PTPRD: variants seen among roughly 807,000 people sequenced by gnomAD.
PTPRD encodes the protein receptor-type tyrosine-protein phosphatase delta.
A neutral mutation model predicts 214.5 loss-of-function variants in PTPRD; 34 were observed. The observed-to-expected ratio is 0.16, with a 90% CI of 0.12 to 0.21. The LOEUF (loss-of-function observed/expected upper bound fraction) is 0.21. PTPRD is among the 10% of genes least tolerant of loss of function. The pLI is 1.00. For missense variants in PTPRD, 2,545 were observed against 2,398.7 expected, an observed-to-expected ratio of 1.06 and a Z score of -1.27; for synonymous variants, 1,128 against 845.7, an observed-to-expected ratio of 1.33 and a Z score of -5.79.
At chr9:9,872,378 T>C (rs1276564665) in intron 5 of PTPRD, among the ~76,000 whole-genome samples, 3 of 152,204 alleles carry the variant, frequency 2.0e-5, no homozygotes, top group Admixed American at 6.5e-5. Flanking sequence ...GGCAGGAGAA[T>C]TGCTTGAGCA....
At chr9:9,571,380 C>G (rs1406915393) in intron 8 of PTPRD, among the ~76,000 whole-genome samples, 1 of 151,246 alleles carries the variant, frequency 6.6e-6, no homozygotes, top group African/African-American at 2.4e-5. Context: ...GCGCATATAA[C>G]AGTATTCTGT....
At chr9:8,426,201 C>G (rs941317375) in intron 35 of PTPRD, among the ~76,000 whole-genome samples, 1 of 152,180 alleles carries the variant, frequency 6.6e-6, no homozygotes, top group South Asian at 2.1e-4. Context: ...TATTCATCTT[C>G]ATAACAGTCT....
At chr9:9,011,374 T>C (rs1424925798) in intron 11 of PTPRD, among the ~76,000 whole-genome samples, 6 of 152,148 alleles carry the variant, frequency 3.9e-5, no homozygotes, top group Admixed American at 1.3e-4. Context: ...AACAGACCTA[T>C]GGATAAATAT....
intron 11 of PTPRD, among the ~76,000 whole-genome samples, chr9:8,902,172 T>C (rs1167596775): frequency 6.6e-6 from 1 of 152,110 alleles, no homozygotes; most frequent in East Asian, 1.9e-4. Context: ...AGTTTCTAGG[T>C]ATATGTGTGT....
chr9:9,800,623 C>T (rs928194313), intron 5 of PTPRD: 1 of 152,090 alleles, frequency 6.6e-6, no homozygotes, highest in African/African-American at 2.4e-5. Flanking sequence ...ACCATGAGGT[C>T]TTGGAAGACA....
At chr9:9,516,438 A>T (rs1286079602) in intron 8 of PTPRD, among the ~76,000 whole-genome samples, 2 of 151,834 alleles carry the variant, frequency 1.3e-5, no homozygotes, top group Non-Finnish European at 2.9e-5. Context: ...TAAATTCTCT[A>T]ATGGAAGCCA....
intron 3 of PTPRD, among the ~76,000 whole-genome samples, chr9:10,096,905 T>G (rs967546721): frequency 2.0e-5 from 3 of 152,032 alleles, no homozygotes; most frequent in African/African-American, 7.2e-5. Flanking sequence ...CCATCTTGAA[T>G]TAATTTTTTT....
chr9:8,954,996 C>T (rs2099123607), intron 11 of PTPRD, among the ~76,000 whole-genome samples: 2 of 151,780 alleles, frequency 1.3e-5, no homozygotes, highest in South Asian at 4.1e-4. Flanking sequence ...CCACTCCAGG[C>T]TGTTGTACTT....
At chr9:9,548,491 T>G (rs770736566) in intron 8 of PTPRD, among the ~76,000 whole-genome samples, 1 of 148,260 alleles carries the variant, frequency 6.7e-6, no homozygotes, top group East Asian at 2.0e-4. Flanking sequence ...CACTGTAACC[T>G]CCGCTTCCTG....
chr9:8,502,633 A>G (rs994779700), intron 23 of PTPRD, among the ~76,000 whole-genome samples: 1 of 152,038 alleles, frequency 6.6e-6, no homozygotes. Context: ...ATGCATTATC[A>G]TTATTCATAA....
chr9:10,277,578 A>T (rs13302599), intron 3 of PTPRD, among the ~76,000 whole-genome samples: 123,522 of 152,088 alleles, frequency 0.81, 50,363 homozygotes, highest in East Asian at 0.85. Flanking sequence ...TGATATAGAA[A>T]ATTCAATAAA....
In PTPRD at chr9:8,741,566, C is replaced by CTTTTTTTTTTTTTTTT. The variant is rs66547770; in HGVS notation, c.-103-7636_-103-7621dup. Among the ~76,000 whole-genome samples the CTTTTTTTTTTTTTTTT allele has an allele frequency of 4.2e-5, 3 of 70,636 alleles. 1 individual carries two copies. Among genetic ancestry groups the CTTTTTTTTTTTTTTTT allele is most frequent in the African/African-American group, 1.2e-4 (2 of 16,508 alleles). 46.3% of individuals were successfully genotyped at this position (70,636 alleles called of 152,430 possible). On this transcript the variant is annotated intron_variant, in intron 11 of 45. Coordinates refer to ENST00000381196, the MANE Select transcript of PTPRD (RefSeq NM_002839.4). The stretch of plus-strand genomic sequence containing the variant: ...TCTATTATTTTAATCTCAGGCATTT[C>CTTTTTTTTTTTTTTTT]TTTTTTTTTTTTTTTTTTTTTTTTT...
At chr9:8,904,423 G>A (rs1386492023) in intron 11 of PTPRD, among the ~76,000 whole-genome samples, 2 of 152,052 alleles carry the variant, frequency 1.3e-5, no homozygotes, top group African/African-American at 4.8e-5. Context: ...TTTAATTCAA[G>A]CATTTTGAGA....
At chr9:9,583,503 A>G (rs79578496) in intron 7 of PTPRD, among the ~76,000 whole-genome samples, 1,571 of 152,194 alleles carry the variant, frequency 0.01, 26 homozygotes, top group African/African-American at 0.035. Flanking sequence ...CTTAGTTGAC[A>G]ATGAGCCAAA....
At chr9:8,526,784 T>C (rs983121291) in intron 16 of PTPRD, 140 bp from the exon 17 acceptor site, 32 of 602,056 alleles carry the variant, frequency 5.3e-5, no homozygotes, top group African/African-American at 3.8e-5. Flanking sequence ...AATTACTATA[T>C]TGGTAAAACA....
chr9:10,555,652 A>G (rs979706168), intron 2 of PTPRD, among the ~76,000 whole-genome samples: 23 of 152,166 alleles, frequency 1.5e-4, no homozygotes, highest in Non-Finnish European at 3.4e-4. Context: ...TTGCACACAG[A>G]CAAATCCTTT....
chr9:8,979,698 C>T (rs2099296633), intron 11 of PTPRD, among the ~76,000 whole-genome samples: 1 of 152,052 alleles, frequency 6.6e-6, no homozygotes, highest in Admixed American at 6.6e-5. Flanking sequence ...TATTACCTCA[C>T]AACCATAAGG....
chr9:8,420,941 G>C (rs2094318663), intron 35 of PTPRD, among the ~76,000 whole-genome samples: 1 of 151,934 alleles, frequency 6.6e-6, no homozygotes, highest in South Asian at 2.1e-4. Context: ...ATCACTGTCA[G>C]GGAGCTTGAT....
intron 3 of PTPRD, among the ~76,000 whole-genome samples, chr9:10,182,883 T>C (rs2099308331): frequency 6.6e-6 from 1 of 152,124 alleles, no homozygotes; most frequent in Admixed American, 6.6e-5. Context: ...CACTAAAATA[T>C]GAAGACAGCA....
Sources: allele counts gnomAD v4.1 joint callset (sites outside exome capture counted in the v4.1 genomes callset), GRCh38; gene constraint gnomAD v4.1.1; transcripts MANE v1.5; gene names NCBI Gene and HGNC (gene_info 2026-07-23, HGNC 2026-07-21).